The following TTC28 variants were observed in gnomAD, a reference collection of about 807,000 sequenced individuals.
The protein encoded by TTC28 is tetratricopeptide repeat protein 28.
Under a neutral mutation model 198.0 loss-of-function variants are expected in TTC28, and 61 were observed. The ratio of observed to expected loss-of-function variants is 0.31; its 90% confidence interval spans 0.25 to 0.38. The LOEUF (loss-of-function observed/expected upper bound fraction) is 0.38. Ranked by LOEUF, TTC28 falls within the 10% of genes least tolerant of loss-of-function variation. The pLI, the probability that TTC28 is intolerant of heterozygous loss-of-function variation, is 1.00. For missense variants in TTC28, 2,678 were observed against 3,164.0 expected (o/e 0.85, Z 3.69); for synonymous variants, 1,171 against 1,297.8 (o/e 0.90, Z 2.10).
intron 1 of TTC28, among the ~76,000 whole-genome samples, chr22:28,636,189 G>A (rs970228526): frequency 2.4e-5 from 3 of 125,828 alleles, no homozygotes; most frequent in East Asian, 5.1e-4. Context: ...GCAGTGGCAC[G>A]ATCTTGGCTC....
chr22:28,171,962 C>T (rs900217564), intron 5 of TTC28, among the ~76,000 whole-genome samples: 5 of 152,118 alleles, frequency 3.3e-5, no homozygotes, highest in Admixed American at 1.3e-4. Context: ...CACCTCCACC[C>T]ATACCCTATC....
intron 2 of TTC28, among the ~76,000 whole-genome samples, chr22:28,465,741 T>C (rs954473545): frequency 3.9e-5 from 6 of 152,188 alleles, no homozygotes; most frequent in Non-Finnish European, 7.3e-5. Flanking sequence ...TCTCTGATAT[T>C]AACAAAGACC....
At chr22:28,385,475 G>A (rs1341601521) in intron 2 of TTC28, among the ~76,000 whole-genome samples, 1 of 151,282 alleles carries the variant, frequency 6.6e-6, no homozygotes, top group Non-Finnish European at 1.5e-5. Flanking sequence ...TTTAGTTTTA[G>A]GTTCACAGCA....
chr22:28,456,912 T>G (rs2047870439), intron 2 of TTC28, among the ~76,000 whole-genome samples: 1 of 152,204 alleles, frequency 6.6e-6, no homozygotes, highest in African/African-American at 2.4e-5. Context: ...CTACCACTTG[T>G]CTTCCATACT....
chr22:28,453,662 C>G (rs567918934), intron 2 of TTC28, among the ~76,000 whole-genome samples: 1 of 152,178 alleles, frequency 6.6e-6, no homozygotes, highest in Non-Finnish European at 1.5e-5. Context: ...GTCCTCAGCT[C>G]TCTCCCAACA....
At chr22:27,987,424 G>A (rs539682219) in intron 21 of TTC28, among the ~76,000 whole-genome samples, 1 of 152,332 alleles carries the variant, frequency 6.6e-6, no homozygotes, top group African/African-American at 2.4e-5. Flanking sequence ...GAGGAAGAGA[G>A]CTTTTCCTTT....
intron 2 of TTC28, among the ~76,000 whole-genome samples, chr22:28,363,962 G>T (rs1009618750): frequency 2.6e-5 from 4 of 152,150 alleles, no homozygotes; most frequent in African/African-American, 7.2e-5. Context: ...TGTTTTGGAT[G>T]AGACTTTGGA....
chr22:28,424,537 T>G (rs1365025430), intron 2 of TTC28, among the ~76,000 whole-genome samples: 1 of 152,208 alleles, frequency 6.6e-6, no homozygotes, highest in African/African-American at 2.4e-5. Flanking sequence ...AGGTATTATC[T>G]CTTTATCCAA....
chr22:28,604,495 G>A (rs1323081497), intron 2 of TTC28, among the ~76,000 whole-genome samples: 4 of 151,708 alleles, frequency 2.6e-5, no homozygotes, highest in Admixed American at 2.0e-4. Context: ...TGTAATCCCA[G>A]CACTTTGGGA....
intron 2 of TTC28, among the ~76,000 whole-genome samples, chr22:28,494,114 G>A (rs755968638): frequency 1.4e-4 from 21 of 152,094 alleles, no homozygotes; most frequent in Non-Finnish European, 2.9e-5. Flanking sequence ...CAGCCATATG[G>A]CCTTTGTTCT....
chr22:28,363,812 G>A (rs1240674335), intron 2 of TTC28, among the ~76,000 whole-genome samples: 1 of 152,074 alleles, frequency 6.6e-6, no homozygotes, highest in Middle Eastern at 3.2e-3. Context: ...ACTTGTATGG[G>A]GCCTGTACCC....
intron 2 of TTC28, among the ~76,000 whole-genome samples, chr22:28,464,232 T>G (rs1197979595): frequency 1.3e-5 from 2 of 152,162 alleles, no homozygotes; most frequent in Non-Finnish European, 2.9e-5. Context: ...TGGGCCACTG[T>G]CTCTGGAGAA....
chr22:28,383,526 A>G (rs532486842), intron 2 of TTC28, among the ~76,000 whole-genome samples: 1 of 152,288 alleles, frequency 6.6e-6, no homozygotes, highest in Non-Finnish European at 1.5e-5. Flanking sequence ...TCTTACTTCT[A>G]ACTCCCTTCC....
At position 27,983,337 on chromosome 22, in the gene TTC28, C is replaced by G; in HGVS notation, c.6330G>C (p.Val2110=). The G allele has an allele frequency of 6.4e-7, 1 of 1,551,902 alleles. No homozygotes were observed. Among genetic ancestry groups the G allele is most frequent in the South Asian group, 1.2e-5 (1 of 84,050 alleles). ...TGGGGCTGGGAATCAGAGTCATTTT[C>G]ACTGGAGAATTTGGAGTGCTGATGC... The part of the protein sequence containing the change: ...KGSISTPNSP[V]KMTLIPSPNS... The change falls in exon 23 of 23, where the codon GTG becomes GTC. Residue 2110 remains valine, a synonymous_variant. Coordinates refer to ENST00000397906, the MANE Select transcript of TTC28 (RefSeq NM_001145418.2).
At chr22:28,047,677 C>T (rs145255198) in intron 12 of TTC28, among the ~76,000 whole-genome samples, 2 of 152,302 alleles carry the variant, frequency 1.3e-5, no homozygotes, top group Non-Finnish European at 2.9e-5. Flanking sequence ...GGAGGTGGGC[C>T]TGTCCCATTA....
intron 6 of TTC28, among the ~76,000 whole-genome samples, chr22:28,112,603 T>C (rs2146916163): frequency 6.6e-6 from 1 of 152,284 alleles, no homozygotes; most frequent in East Asian, 1.9e-4. Flanking sequence ...CCTGGGGAAT[T>C]CTGAATGGAA....
At chr22:28,019,373 TCTC>T (rs1249878804) in intron 13 of TTC28, among the ~76,000 whole-genome samples, 8 of 152,206 alleles carry the variant, frequency 5.3e-5, no homozygotes, top group Admixed American at 1.3e-4. Flanking sequence ...CCTTCCTGTG[TCTC>T]CTCTGTGTGG....
chr22:28,049,933 C>A (rs1019670357), intron 12 of TTC28, among the ~76,000 whole-genome samples: 2 of 152,070 alleles, frequency 1.3e-5, no homozygotes, highest in South Asian at 2.1e-4. Flanking sequence ...CCATTCTGAT[C>A]TGGTAGGGCT....
At chr22:28,095,026 A>G (rs933270628) in intron 11 of TTC28, among the ~76,000 whole-genome samples, 36 of 152,254 alleles carry the variant, frequency 2.4e-4, no homozygotes, top group African/African-American at 8.7e-4. Flanking sequence ...ATTCCGATAT[A>G]CCACCTGTCA....
Sources: allele counts gnomAD v4.1 joint callset (sites outside exome capture counted in the v4.1 genomes callset), GRCh38; gene constraint gnomAD v4.1.1; transcripts MANE v1.5; gene names NCBI Gene and HGNC (gene_info 2026-07-23, HGNC 2026-07-21).